Variants in KDM1B observed in about 807,000 individuals in gnomAD.
KDM1B encodes lysine demethylase 1B.
In KDM1B, 63 loss-of-function variants were observed where a neutral mutation model predicts 107.4. The observed-to-expected ratio is 0.59, with a 90% confidence interval of 0.48 to 0.72. The LOEUF (loss-of-function observed/expected upper bound fraction) is 0.72. Among genes scored for constraint, KDM1B ranks in the 30% least tolerant of loss-of-function variants. The pLI, the probability that KDM1B is intolerant of heterozygous loss-of-function variation, is 0.00. For missense variants in KDM1B, 749 were observed against 1,020.8 expected (o/e 0.73, Z 3.63); for synonymous variants, 363 against 363.9 (o/e 1.00, Z 0.03).
At chr6:18,170,415 G>T (rs1329965036) in intron 6 of KDM1B, among the ~76,000 whole-genome samples, 1 of 152,020 alleles carries the variant, frequency 6.6e-6, no homozygotes, top group East Asian at 1.9e-4. Flanking sequence ...ATCCAACGCA[G>T]CATACCACAT....
rs1187174496 is a variant in KDM1B, at chr6:18,166,278, G to T, written c.317G>T (p.Gly106Val). 1 of 1,552,364 alleles carries T rather than the reference G, an allele frequency of 6.4e-7. No homozygotes were observed. Among genetic ancestry groups the T allele is most frequent in the Non-Finnish European group, 8.9e-7 (1 of 1,123,962 alleles). ...FDHYYRSHKD[G>V]YDKYTTWKKI... ...TTCTTGTTTTTCAGCCATAAGGATG[G>T]ATATGACAAATATACTACATGGAAA... The change falls in exon 6 of 22, where the codon GGA (glycine) becomes GTA (valine). Residue 106 changes from glycine to valine, a missense_variant. Physicochemically the swap from Gly to Val is moderately radical, Grantham distance 109. Transcript: ENST00000650836.
rs1393765540 is a variant in KDM1B at position 18,221,900 on chromosome 6, G to A, written c.2386-9G>A. ...GCATGATCTCAAATTATGTAATTAT[G>A]TTTTACAGGCAACAAACAGGCATTT... On this transcript the variant is annotated splice_polypyrimidine_tract_variant and intron_variant, in intron 21 of 21. Transcript: ENST00000650836. 5 of 1,592,868 alleles carry A rather than the reference G, an allele frequency of 3.1e-6. No homozygotes were observed. In the African/African-American group the frequency reaches 4.1e-5, roughly 13 times the overall value.
In KDM1B at chr6:18,191,559, A is replaced by G. The variant is rs1787287337; in HGVS notation, c.969+178A>G. On this transcript the variant is annotated intron_variant, in intron 10 of 21. Coordinates refer to ENST00000650836, the MANE Select transcript of KDM1B (RefSeq NM_001364614.2). This position sits in a 1 kb window ranked among gnomAD's most constrained non-coding sequence, Gnocchi z 5.1. Reference sequence around the variant, plus strand: ...ACTGTCTTTGCACTGTAGGATATTTAGCAAGATCCCTGGCTTCTACCCACT... The same window carrying G: ...ACTGTCTTTGCACTGTAGGATATTTGGCAAGATCCCTGGCTTCTACCCACT... Among the ~76,000 whole-genome samples, 1 of 152,180 alleles carries G rather than the reference A, an allele frequency of 6.6e-6. No homozygotes were observed. Among genetic ancestry groups the G allele is most frequent in the African/African-American group, 2.4e-5 (1 of 41,436 alleles).
chr6:18,163,815 T>A (rs1020428473), intron 5 of KDM1B, among the ~76,000 whole-genome samples: 1 of 152,214 alleles, frequency 6.6e-6, no homozygotes, highest in Non-Finnish European at 1.5e-5. Flanking sequence ...TTTAAATTTG[T>A]CAAAGTTTGC....
chr6:18,187,740 G>A (rs1296172042), intron 8 of KDM1B, 52 bp from the exon 9 acceptor site: 37 of 1,224,098 alleles, frequency 3.0e-5, no homozygotes, highest in Non-Finnish European at 3.8e-5. Flanking sequence ...GAATCTGCAT[G>A]TACATTTCTT....
intron 5 of KDM1B, among the ~76,000 whole-genome samples, chr6:18,164,942 G>A (rs1029889284): frequency 6.6e-6 from 1 of 151,486 alleles, no homozygotes; most frequent in South Asian, 2.1e-4. Context: ...CTCCATGCCC[G>A]GCCTAGAGGA....
chr6:18,173,111 A>G (rs1785768819), intron 7 of KDM1B, among the ~76,000 whole-genome samples: 1 of 151,476 alleles, frequency 6.6e-6, no homozygotes, highest in Non-Finnish European at 1.5e-5. Flanking sequence ...AAAAAAGTGT[A>G]ATCAGTGAGT....
At chr6:18,181,205 T>C (rs890140392) in intron 7 of KDM1B, among the ~76,000 whole-genome samples, 2 of 152,182 alleles carry the variant, frequency 1.3e-5, no homozygotes, top group African/African-American at 4.8e-5. Flanking sequence ...TTAACCATCA[T>C]TGAGTGAGAT....
At chr6:18,207,560 C>T (rs765457246) in intron 16 of KDM1B, 31 bp downstream of exon 16, 19 of 1,612,242 alleles carry the variant, frequency 1.2e-5, no homozygotes, top group African/African-American at 5.3e-5. Flanking sequence ...GGCTCTGGCT[C>T]GCCTTGTTTG....
At chr6:18,165,597 C>T (rs1278763061) in intron 5 of KDM1B, among the ~76,000 whole-genome samples, 1 of 152,028 alleles carries the variant, frequency 6.6e-6, no homozygotes, top group Non-Finnish European at 1.5e-5. Context: ...TTGAGGTGGG[C>T]AGATCTCTTG....
chr6:18,183,452 G>C (rs1354162996), intron 7 of KDM1B, among the ~76,000 whole-genome samples: 1 of 151,628 alleles, frequency 6.6e-6, no homozygotes, highest in Non-Finnish European at 1.5e-5. Context: ...TAGAGACGGG[G>C]TTTCATCACG....
intron 20 of KDM1B, among the ~76,000 whole-genome samples, chr6:18,217,320 C>T (rs757622424): frequency 7.9e-5 from 12 of 151,548 alleles, no homozygotes; most frequent in Non-Finnish European, 1.5e-4. Context: ...GGAATAGACT[C>T]AGGTCCTAAA....
In KDM1B at chr6:18,222,335, A is replaced by G. The variant is rs1789821571; in HGVS notation, c.*343A>G. On this transcript the variant is annotated 3_prime_UTR_variant, in exon 22 of 22. Transcript: ENST00000650836. Reference sequence around the variant, plus strand: ...ATTTCACATTTTATATGGCTGATCAATTTTCATACATTGAGAAACCAAGTC... The same window carrying G: ...ATTTCACATTTTATATGGCTGATCAGTTTTCATACATTGAGAAACCAAGTC... 5.6e-6 allele frequency: 2 copies of G among 359,370 alleles called. No individual in the cohort carries two copies. Among genetic ancestry groups the G allele is most frequent in the Non-Finnish European group, 1.1e-5 (2 of 186,436 alleles). 22.3% of individuals were successfully genotyped at this position (359,370 alleles called of 1,614,324 possible).
intron 7 of KDM1B, among the ~76,000 whole-genome samples, chr6:18,182,109 T>G (rs1786520969): frequency 6.6e-6 from 1 of 152,164 alleles, no homozygotes; most frequent in Non-Finnish European, 1.5e-5. Flanking sequence ...CAGGAGGGCC[T>G]CAGAGGTGTC....
chr6:18,172,682 T>C lies in KDM1B; in HGVS notation c.534+1203T>C, dbSNP rs949944281. On this transcript the variant is annotated intron_variant, in intron 7 of 21. Transcript: ENST00000650836. This position sits in a 1 kb window ranked among gnomAD's most constrained non-coding sequence, Gnocchi z 5.2. ...ATCATATTTTTATAACGCCTGGAAT[T>C]CAGTAAAAGCCTGGGATTCAAAATA... Among the ~76,000 whole-genome samples the C allele has an allele frequency of 6.6e-6, 1 of 152,156 alleles. No homozygotes were observed. Among genetic ancestry groups the C allele is most frequent in the African/African-American group, 2.4e-5 (1 of 41,448 alleles).
intron 10 of KDM1B, among the ~76,000 whole-genome samples, chr6:18,194,633 A>G (rs72840613): frequency 0.018 from 2,791 of 152,240 alleles, 36 homozygotes; most frequent in Non-Finnish European, 0.028. Context: ...GGTTAAATAC[A>G]CATAACATAA....
rs1263359766 is a variant in KDM1B at position 18,181,497 on chromosome 6, G to C, written c.535-4275G>C. On this transcript the variant is annotated intron_variant, in intron 7 of 21. Coordinates refer to ENST00000650836, the MANE Select transcript of KDM1B (RefSeq NM_001364614.2). ...AAGTGGGAATCAGTTGGGCGCAGTG[G>C]CTCATGCCTGTAATTTCAGCCCTTT... is the stretch of plus-strand genomic sequence containing the variant. 2.0e-5 allele frequency among the ~76,000 whole-genome samples: 3 copies of C among 152,302 alleles called. No homozygotes were observed. The South Asian group carries it at 6.2e-4, about 32-fold the overall frequency.
intron 6 of KDM1B, 61 bp downstream of exon 6, chr6:18,166,439 G>T (rs1328770089): frequency 7.6e-6 from 7 of 917,610 alleles, no homozygotes; most frequent in Non-Finnish European, 1.3e-5. Flanking sequence ...AAGAGGCATG[G>T]ATGAAAATGC....
At chr6:18,194,455 C>T (rs925645137) in intron 10 of KDM1B, among the ~76,000 whole-genome samples, 1 of 152,168 alleles carries the variant, frequency 6.6e-6, no homozygotes, top group African/African-American at 2.4e-5. Context: ...CATGCACCTG[C>T]TGCAGTCGTT....
Sources: gnomAD v4.1 joint callset for allele counts (sites outside exome capture counted in the v4.1 genomes callset) on GRCh38, gnomAD v4.1.1 for gene constraint, Gnocchi (gnomAD v3.1) non-coding constraint, MANE v1.5 for transcripts, NCBI Gene and HGNC (gene_info 2026-07-23, HGNC 2026-07-21) for gene names.